The following SLC4A1AP variants were observed in gnomAD, a reference collection of about 807,000 sequenced individuals.
The protein encoded by SLC4A1AP is kanadaptin.
SLC4A1AP carries 64 observed loss-of-function variants against 89.7 expected under a neutral mutation model. The observed-to-expected ratio is 0.71, with a 90% CI of 0.58 to 0.88. The LOEUF (loss-of-function observed/expected upper bound fraction) is 0.88. Ranked by LOEUF, SLC4A1AP falls within the 40% of genes least tolerant of loss-of-function variation. SLC4A1AP has a pLI of 0.00. For synonymous variants in SLC4A1AP, 366 were observed against 353.3 expected, an observed-to-expected ratio of 1.04 and a Z score of -0.40; for missense variants, 931 against 965.0, an observed-to-expected ratio of 0.96 and a Z score of 0.47.
chr2:27,668,693 TC>T (rs1164219858), intron 3 of SLC4A1AP, 149 bp from the exon 4 acceptor site: 1 of 752,242 alleles, frequency 1.3e-6, no homozygotes, highest in Non-Finnish European at 2.4e-6. Context: ...CAAGCTGTCA[TC>T]CCGCCTCAGC....
exon 1 of SLC4A1AP, chr2:27,664,188 G>A (rs771976795): frequency 6.2e-7 from 1 of 1,614,152 alleles, no homozygotes; most frequent in Admixed American, 1.7e-5. Context: ...TTCTTCCCCT[G>A]GCGGTCCAGC....
intron 4 of SLC4A1AP, 68 bp downstream of exon 4, chr2:27,668,971 A>G (rs1675378606): frequency 7.0e-7 from 1 of 1,420,848 alleles, no homozygotes; most frequent in Non-Finnish European, 9.8e-7. Context: ...GTATGGTTAT[A>G]GATAACAACC....
rs538114264 is a variant in SLC4A1AP, at chr2:27,691,160, T to G, written c.2271+2393T>G. 4.6e-5 allele frequency among the ~76,000 whole-genome samples: 7 copies of G among 152,270 alleles called. No homozygotes were observed. In the South Asian group the frequency reaches 1.4e-3, roughly 32 times the overall value. On this transcript the variant is annotated intron_variant, in intron 12 of 13. Coordinates refer to ENST00000613058, the Ensembl canonical transcript of SLC4A1AP. Reference sequence around the variant, plus strand: ...TCTGGTAGAATCTGACTGTGAATCCTTCTGGTCCTGGGCTTTTTTTTGTTG... The same window carrying G: ...TCTGGTAGAATCTGACTGTGAATCCGTCTGGTCCTGGGCTTTTTTTTGTTG...
intron 8 of SLC4A1AP, among the ~76,000 whole-genome samples, chr2:27,678,365 T>C (rs1675558312): frequency 6.6e-6 from 1 of 151,912 alleles, no homozygotes; most frequent in South Asian, 2.1e-4. Flanking sequence ...CAACCCTATC[T>C]CTACAAAAAA....
At chr2:27,669,870 T>A (rs529773020) in intron 5 of SLC4A1AP, among the ~76,000 whole-genome samples, 52 of 152,092 alleles carry the variant, frequency 3.4e-4, no homozygotes, top group Admixed American at 9.2e-4. Flanking sequence ...TTGTATTTAT[T>A]TATTTATTTT....
intron 2 of SLC4A1AP, among the ~76,000 whole-genome samples, chr2:27,666,352 A>ACCACCCACCAC (rs1558504861): frequency 1.2e-3 from 4 of 3,424 alleles, no homozygotes; most frequent in Admixed American, 5.4e-3. Context: ...CTTGTGATCC[A>ACCACCCACCAC]CCCCCCACCC....
intron 5 of SLC4A1AP, among the ~76,000 whole-genome samples, chr2:27,670,291 C>A (rs1395073294): frequency 2.0e-5 from 3 of 152,142 alleles, no homozygotes; most frequent in Admixed American, 2.0e-4. Flanking sequence ...AGCCACTGCG[C>A]CTGGCCGTAT....
At chr2:27,666,348 A>C in intron 2 of SLC4A1AP, among the ~76,000 whole-genome samples, 2 of 5,956 alleles carry the variant, frequency 3.4e-4, no homozygotes, top group African/African-American at 5.9e-4. Context: ...TGACCTTGTG[A>C]TCCACCCCCC....
At chr2:27,688,048 G>T (rs761446868) in intron 11 of SLC4A1AP, 28 bp downstream of exon 11, 3 of 1,584,802 alleles carry the variant, frequency 1.9e-6, no homozygotes, top group Admixed American at 3.4e-5. Context: ...CTTCATTGCT[G>T]CTCTGCACAC....
chr2:27,673,174 C>T (rs1039193484), intron 5 of SLC4A1AP, among the ~76,000 whole-genome samples: 21 of 152,160 alleles, frequency 1.4e-4, no homozygotes, highest in Non-Finnish European at 8.8e-5. Flanking sequence ...GAGGATTCTG[C>T]AGTGTAATCA....
exon 6 of SLC4A1AP, chr2:27,675,594 A>C (rs774918118): frequency 6.2e-7 from 1 of 1,610,862 alleles, no homozygotes; most frequent in South Asian, 1.1e-5. Context: ...TGATGATGAC[A>C]CATTTCTTGA....
rs1675727841 is a variant in SLC4A1AP, at chr2:27,687,918, A to T, written c.2117-16A>T. On this transcript the variant is annotated splice_polypyrimidine_tract_variant and intron_variant, in intron 10 of 13. Transcript: ENST00000613058. ...AATTAAATCATGACAATATGATTTG[A>T]TATTGCTTTTTATAGAAAACATGTC... The T allele has an allele frequency of 1.9e-6, 3 of 1,588,962 alleles. No homozygotes were observed. In the Admixed American group the frequency reaches 5.0e-5, roughly 27 times the overall value.
chr2:27,683,516 CTT>C (rs1440810031), intron 9 of SLC4A1AP, among the ~76,000 whole-genome samples: 2 of 152,196 alleles, frequency 1.3e-5, no homozygotes, highest in African/African-American at 4.8e-5. Context: ...CCTGGTGTCT[CTT>C]CTTCTTCTTC....
At chr2:27,679,597 A>G (rs528398667) in intron 8 of SLC4A1AP, among the ~76,000 whole-genome samples, 83 of 152,264 alleles carry the variant, frequency 5.5e-4, no homozygotes, top group African/African-American at 1.9e-3. Context: ...GCGAGACTCC[A>G]TCTCAAAAAA....
At chr2:27,681,340 T>C (rs898964954) in intron 8 of SLC4A1AP, among the ~76,000 whole-genome samples, 1 of 152,144 alleles carries the variant, frequency 6.6e-6, no homozygotes, top group Non-Finnish European at 1.5e-5. Context: ...ACTAAGGGGA[T>C]AAGACTTAGG....
chr2:27,664,176 G>T lies in SLC4A1AP; in HGVS notation c.424G>T (p.Val142Phe), dbSNP rs779238388. 94 of 1,614,046 alleles carry T rather than the reference G, an allele frequency of 5.8e-5. 1 individual carries two copies. Among genetic ancestry groups the T allele is most frequent in the South Asian group, 4.7e-4 (43 of 91,088 alleles). The change falls in exon 1 of 14, where the codon GTT becomes TTT. Residue 142 changes from valine to phenylalanine, a missense_variant. Coordinates refer to ENST00000613058, the Ensembl canonical transcript of SLC4A1AP. ...GGAGCAGTCGCGCCCCCCGACAGCG[G>T]TTTCTTCCCCTGGCGGTCCAGCCCG... is the stretch of plus-strand genomic sequence containing the variant.
exon 8 of SLC4A1AP, chr2:27,677,851 C>T (rs769326336): frequency 1.9e-6 from 3 of 1,613,612 alleles, no homozygotes; most frequent in East Asian, 2.2e-5. Context: ...AACTTTTGAA[C>T]TGAGGAAAGA....
rs147588869 is a variant in SLC4A1AP at position 27,685,051 on chromosome 2, G to C, written c.1890G>C (p.Lys630Asn). The C allele has an allele frequency of 3.2e-4, 514 of 1,604,464 alleles. 2 individuals carry two copies. The South Asian group carries it at 3.6e-3, about 11-fold the overall frequency. The change falls in exon 10 of 14, where the codon AAG (lysine) becomes AAC (asparagine). Residue 630 changes from lysine (K) to asparagine (N), a missense_variant. Physicochemically the swap from Lys to Asn is moderately conservative, Grantham distance 94. Coordinates refer to ENST00000613058, the Ensembl canonical transcript of SLC4A1AP. ...TTCCCTCTTAGAAGTTACCCCCCAA[G>C]CGTCCAGAACTCCCTCCAACTCTAA...
intron 6 of SLC4A1AP, 138 bp from the exon 7 acceptor site, chr2:27,677,157 T>A (rs1319247972): frequency 1.4e-6 from 1 of 689,988 alleles, no homozygotes. Context: ...AAAAAAGTGT[T>A]AACTCCATAA....
Sources: allele counts gnomAD v4.1 joint callset (sites outside exome capture counted in the v4.1 genomes callset), GRCh38; gene constraint gnomAD v4.1.1; transcripts MANE v1.5; gene names NCBI Gene and HGNC (gene_info 2026-07-23, HGNC 2026-07-21).